REV3L: variants seen among roughly 807,000 people sequenced by gnomAD.
REV3L encodes the protein REV3 like, DNA directed polymerase zeta catalytic subunit, also known as DNA polymerase zeta catalytic subunit.
Under a neutral mutation model 299.4 loss-of-function variants are expected in REV3L, and 69 were observed. That is an observed-to-expected ratio of 0.23 (90% CI 0.19 to 0.28). The LOEUF is 0.28. Among genes scored for constraint, REV3L ranks in the 10% least tolerant of loss-of-function variants. The pLI is 1.00. For synonymous variants in REV3L, 1,238 were observed against 1,271.4 expected (o/e 0.97, Z 0.56); for missense variants, 3,128 against 3,693.8 (o/e 0.85, Z 3.97).
chr6:111,342,871 A>C (rs546552828), intron 21 of REV3L, among the ~76,000 whole-genome samples: 28 of 152,270 alleles, frequency 1.8e-4, no homozygotes, highest in South Asian at 4.2e-4. Flanking sequence ...GCAAAATGAG[A>C]GGCTGGAAGG....
At chr6:111,440,241 G>T (rs1788099903) in intron 1 of REV3L, among the ~76,000 whole-genome samples, 1 of 152,062 alleles carries the variant, frequency 6.6e-6, no homozygotes, top group Admixed American at 6.5e-5. Context: ...GGCTAATTTT[G>T]TATTTTTAGT....
chr6:111,471,967 C>T (rs974709253), intron 1 of REV3L: 2 of 1,086,494 alleles, frequency 1.8e-6, no homozygotes, highest in African/African-American at 1.7e-5. Flanking sequence ...AAGGCTCACC[C>T]CCACCCCCCT....
rs373958967 is a variant in REV3L at position 111,372,844 on chromosome 6, T to C, written c.5511A>G (p.Leu1837=). Residue 1837 remains leucine (L), a synonymous_variant, in exon 13 of 32, where the codon TTA becomes TTG. Transcript: ENST00000368802. The part of the protein sequence containing the change: ...GELVDVACED[L]ELYVSRNNDM... ...CATTGTTTCTTGAAACATACAGTTC[T>C]AAATCTTCACAGGCCACGTCTACAA... 1.0e-4 allele frequency: 166 copies of C among 1,614,012 alleles called. No homozygotes were observed. Among genetic ancestry groups the C allele is most frequent in the Non-Finnish European group, 1.4e-4 (163 of 1,180,000 alleles).
intron 1 of REV3L, among the ~76,000 whole-genome samples, chr6:111,423,039 C>A (rs1276664975): frequency 6.6e-6 from 1 of 151,964 alleles, no homozygotes; most frequent in African/African-American, 2.4e-5. Context: ...ATATACAGTG[C>A]AGGGTATAGT....
intron 4 of REV3L, among the ~76,000 whole-genome samples, chr6:111,393,814 G>A (rs1017078951): frequency 2.6e-5 from 4 of 152,040 alleles, no homozygotes; most frequent in African/African-American, 7.2e-5. Flanking sequence ...CTACAGGGGT[G>A]CATCACGACT....
At chr6:111,400,106 T>TA (rs1325392772) in intron 4 of REV3L, among the ~76,000 whole-genome samples, 1 of 152,336 alleles carries the variant, frequency 6.6e-6, no homozygotes, top group East Asian at 1.9e-4. Flanking sequence ...TGTTCCTTTT[T>TA]ATCACTAAAT....
rs946642353 is a variant in REV3L at position 111,375,161 on chromosome 6, G to T, written c.3194C>A (p.Thr1065Lys). Residue 1065 changes from threonine to lysine, a missense_variant, in exon 13 of 32, where the codon ACA becomes AAA. This residue lies in a region of REV3L where 2,409 missense variants were observed against 2,611.8 expected (regional missense o/e 0.92). Coordinates refer to ENST00000368802, the MANE Select transcript of REV3L (RefSeq NM_001372078.1). ...AGTTCTTTTAATATTTTCATTATTT[G>T]TCCTTTGTTGTTTACCAGTTTTTTT... ...AKKKTGKQQR[T>K]NNENIKRTLS... The T allele has an allele frequency of 1.4e-5, 22 of 1,606,596 alleles. No individual in the cohort carries two copies. The highest frequency in any genetic ancestry group is 1.8e-5 in the Non-Finnish European group (21 of 1,178,180).
At chr6:111,317,761 T>TGA (rs1213840925) in intron 26 of REV3L, among the ~76,000 whole-genome samples, 3 of 152,188 alleles carry the variant, frequency 2.0e-5, no homozygotes, top group Non-Finnish European at 2.9e-5. Context: ...GCCAGGAGTT[T>TGA]GAGATGGCCT....
chr6:111,355,536 G>A (rs2114967093), intron 18 of REV3L, among the ~76,000 whole-genome samples: 1 of 152,158 alleles, frequency 6.6e-6, no homozygotes, highest in East Asian at 1.9e-4. Flanking sequence ...TTCTTTTTAT[G>A]ACAGTTTTGT....
chr6:111,356,785 C>T (rs904230230), intron 18 of REV3L: 2 of 246,188 alleles, frequency 8.1e-6, no homozygotes, highest in Non-Finnish European at 1.5e-5. Context: ...CTTTCACTGG[C>T]CCCTCAATCT....
At position 111,416,318 on chromosome 6, in the gene REV3L, A is replaced by G. The variant is rs762398820; in HGVS notation, c.294T>C (p.Ala98=). ...CTAATGACACTTTGAACACATGCTG[A>G]GCAGTGGAAGATGGATTGCCTAAAG... ...NVALGNPSST[A]QHVFKVSLVS... is the part of the protein sequence containing the mutation. The change falls in exon 2 of 32, where the codon GCT becomes GCC. Residue 98 remains alanine (A), a synonymous_variant. Transcript: ENST00000368802. 1 of 1,613,768 alleles carries G rather than the reference A, an allele frequency of 6.2e-7. No individual in the cohort carries two copies.
chr6:111,431,280 T>C (rs1339329861), intron 1 of REV3L: 5 of 1,401,672 alleles, frequency 3.6e-6, no homozygotes, highest in Non-Finnish European at 5.1e-6. Flanking sequence ...TGCCTGAAGA[T>C]GGAAGGCCAT....
rs183885331 is a variant in REV3L at position 111,414,621 on chromosome 6, C to G, written c.329+1662G>C. Among the ~76,000 whole-genome samples, 18 of 152,240 alleles carry G rather than the reference C, an allele frequency of 1.2e-4. No individual in the cohort carries two copies. The East Asian group carries it at 3.5e-3, about 29-fold the overall frequency. ...AGGAAAGCCTAGATTAAGGTGGAAG[C>G]AGAGATTTAAGGTCTCCACTTGGAT... On this transcript the variant is annotated intron_variant, in intron 2 of 31. Coordinates refer to ENST00000368802, the MANE Select transcript of REV3L (RefSeq NM_001372078.1).
chr6:111,343,905 T>C lies in REV3L; in HGVS notation c.7538+20A>G, dbSNP rs774617286. ...CAATGATGATTTTATATTACCTTCT[T>C]CAGAGTTATAGAACAGTACCTGTAT... is the stretch of plus-strand genomic sequence containing the variant. On this transcript the variant is annotated intron_variant, in intron 21 of 31. Coordinates refer to ENST00000368802, the MANE Select transcript of REV3L (RefSeq NM_001372078.1). The C allele has an allele frequency of 7.1e-7, 1 of 1,404,046 alleles. No individual in the cohort carries two copies. Among genetic ancestry groups the C allele is most frequent in the African/African-American group, 1.5e-5 (1 of 68,744 alleles). The allele number at this position is 1,404,046 out of a possible 1,614,324, so 87.0% of individuals were successfully genotyped here. A position where few individuals can be genotyped will look rare whatever the true frequency, so the allele number is the denominator to read the frequency against.
Position 111,367,685 on chromosome 6 carries a change from C to T in REV3L, c.6103G>A (p.Glu2035Lys). The T allele has an allele frequency of 5.6e-6, 9 of 1,614,184 alleles. No homozygotes were observed. Among genetic ancestry groups the T allele is most frequent in the Non-Finnish European group, 7.6e-6 (9 of 1,180,014 alleles). The change falls in exon 14 of 32, where the codon GAG becomes AAG. Residue 2035 changes from glutamate (E) to lysine (K), a missense_variant. By Grantham distance (56) the Glu-to-Lys change is moderately conservative. Coordinates refer to ENST00000368802, the MANE Select transcript of REV3L (RefSeq NM_001372078.1). The stretch of plus-strand genomic sequence containing the variant: ...GGGTTAACTGAAGAGCTAAAGTTCT[C>T]AGCAGATTTTACAACTCCAGTTGGC... Reference protein sequence around the residue: ...TKPTGVVKSAENFSSSVNPDD... With the variant: ...TKPTGVVKSAKNFSSSVNPDD...
intron 16 of REV3L, chr6:111,361,419 C>CACAAAAAA (rs767836093): frequency 1.2e-5 from 1 of 86,590 alleles, no homozygotes; most frequent in Non-Finnish European, 2.3e-5. Context: ...CACACACACA[C>CACAAAAAA]AAAAAAAAAA....
rs6930153 is a variant in REV3L, at chr6:111,369,117, C to T, written c.5760-1089G>A. Among the ~76,000 whole-genome samples the T allele has an allele frequency of 2.0e-5, 3 of 152,022 alleles. No homozygotes were observed. The South Asian group carries it at 6.3e-4, about 32-fold the overall frequency. On this transcript the variant is annotated intron_variant, in intron 13 of 31. Coordinates refer to ENST00000368802, the MANE Select transcript of REV3L (RefSeq NM_001372078.1). Reference sequence around the variant, plus strand: ...ACATACCAAGTGACCATACCCAACTCTAATACTAAGGATAGAGAAGTCATA... The same window carrying T: ...ACATACCAAGTGACCATACCCAACTTTAATACTAAGGATAGAGAAGTCATA...
chr6:111,338,611 G>GA (rs1190858429), intron 21 of REV3L, among the ~76,000 whole-genome samples: 2 of 151,468 alleles, frequency 1.3e-5, no homozygotes, highest in Non-Finnish European at 2.9e-5. Context: ...GTTATTTAAT[G>GA]AAGTACAGAA....
At chr6:111,405,092 C>T (rs1582866115) in intron 4 of REV3L, among the ~76,000 whole-genome samples, 1 of 151,060 alleles carries the variant, frequency 6.6e-6, no homozygotes, top group East Asian at 1.9e-4. Context: ...TAAAAAGTAA[C>T]ATTAAGGTCT....
Sources: gnomAD v4.1 joint callset for allele counts (sites outside exome capture counted in the v4.1 genomes callset) on GRCh38, gnomAD v4.1.1 for gene constraint, gnomAD v4.1.1 regional missense constraint, MANE v1.5 for transcripts, NCBI Gene and HGNC (gene_info 2026-07-23, HGNC 2026-07-21) for gene names.